Variants in PTTG1IP2 observed in about 807,000 individuals in gnomAD.
PTTG1IP2 encodes PTTG1IP family member 2.
intron 6 of PTTG1IP2, among the ~76,000 whole-genome samples, chr7:90,496,450 C>T (rs931241668): frequency 3.3e-5 from 5 of 152,016 alleles, no homozygotes; most frequent in East Asian, 1.9e-4. Context: ...CACAGTATCT[C>T]GTAATCTTTC....
intron 1 of PTTG1IP2, among the ~76,000 whole-genome samples, chr7:90,476,674 A>C (rs1797750906): frequency 6.6e-6 from 1 of 152,200 alleles, no homozygotes; most frequent in Non-Finnish European, 1.5e-5. Flanking sequence ...AGAAATCATT[A>C]AGTCAAAGAA....
At chr7:90,475,051 C>G (rs561245394) in intron 1 of PTTG1IP2, among the ~76,000 whole-genome samples, 1 of 152,256 alleles carries the variant, frequency 6.6e-6, no homozygotes, top group East Asian at 1.9e-4. Flanking sequence ...ACAGCAGGAA[C>G]GTCAGTATGG....
intron 6 of PTTG1IP2, among the ~76,000 whole-genome samples, chr7:90,510,499 T>TTGTGTG (rs148527314): frequency 6.6e-6 from 1 of 151,434 alleles, no homozygotes; most frequent in Non-Finnish European, 1.5e-5. Context: ...CGAGCTTTAT[T>TTGTGTG]TGTGTGTGTG....
intron 2 of PTTG1IP2, among the ~76,000 whole-genome samples, chr7:90,483,438 C>T (rs1468282264): frequency 2.0e-5 from 3 of 152,198 alleles, no homozygotes; most frequent in Non-Finnish European, 2.9e-5. Context: ...TGCACATTCA[C>T]AAACTCAAAG....
intron 2 of PTTG1IP2, among the ~76,000 whole-genome samples, chr7:90,485,327 A>G (rs1797861767): frequency 1.3e-5 from 2 of 152,150 alleles, no homozygotes; most frequent in Admixed American, 6.5e-5. Context: ...CTCAACTGCA[A>G]TTGGACTTAC....
At chr7:90,497,059 T>C (rs1295899443) in intron 6 of PTTG1IP2, among the ~76,000 whole-genome samples, 1 of 152,226 alleles carries the variant, frequency 6.6e-6, no homozygotes, top group Non-Finnish European at 1.5e-5. Flanking sequence ...ATACCTGATA[T>C]GATTTAAATC....
chr7:90,488,575 CA>C (rs1417339323), intron 3 of PTTG1IP2, among the ~76,000 whole-genome samples: 5 of 151,774 alleles, frequency 3.3e-5, no homozygotes, highest in Non-Finnish European at 5.9e-5. Flanking sequence ...AAGATAGTAC[CA>C]GAAATGAGTT....
chr7:90,483,712 C>T (rs770837659), intron 2 of PTTG1IP2, among the ~76,000 whole-genome samples: 4 of 152,204 alleles, frequency 2.6e-5, no homozygotes, highest in Non-Finnish European at 5.9e-5. Flanking sequence ...ATCACTCATT[C>T]CTTTTGGAAA....
chr7:90,492,527 T>C (rs545447637), intron 5 of PTTG1IP2, among the ~76,000 whole-genome samples: 2 of 152,260 alleles, frequency 1.3e-5, no homozygotes, highest in African/African-American at 2.4e-5. Context: ...TATTGCGCCA[T>C]TGCATTTCAG....
At chr7:90,512,958 C>T (rs1798206817) in intron 6 of PTTG1IP2, among the ~76,000 whole-genome samples, 2 of 152,136 alleles carry the variant, frequency 1.3e-5, no homozygotes, top group Non-Finnish European at 2.9e-5. Flanking sequence ...AGCTTTCTAA[C>T]CTTAGTGCAG....
At chr7:90,512,963 G>C (rs1798206839) in intron 6 of PTTG1IP2, among the ~76,000 whole-genome samples, 1 of 152,186 alleles carries the variant, frequency 6.6e-6, no homozygotes. Context: ...TCTAACCTTA[G>C]TGCAGGGTGA....
intron 2 of PTTG1IP2, among the ~76,000 whole-genome samples, chr7:90,483,991 G>A (rs1310076812): frequency 6.6e-6 from 1 of 151,250 alleles, no homozygotes; most frequent in African/African-American, 2.4e-5. Context: ...ACACCCAATG[G>A]TGATGCTCAC....
intron 5 of PTTG1IP2, among the ~76,000 whole-genome samples, chr7:90,493,838 A>G (rs768393476): frequency 1.3e-5 from 2 of 152,242 alleles, no homozygotes; most frequent in Non-Finnish European, 2.9e-5. Context: ...GGACTTACAC[A>G]TTGGAAGATG....
intron 2 of PTTG1IP2, among the ~76,000 whole-genome samples, chr7:90,483,055 T>C (rs1044706393): frequency 1.3e-5 from 2 of 152,148 alleles, no homozygotes; most frequent in African/African-American, 2.4e-5. Context: ...TGTGTGTGTG[T>C]GTGGTAGGGC....
At chr7:90,475,266 T>A (rs1480566584) in intron 1 of PTTG1IP2, among the ~76,000 whole-genome samples, 1 of 152,188 alleles carries the variant, frequency 6.6e-6, no homozygotes, top group African/African-American at 2.4e-5. Flanking sequence ...TTTAATTGAC[T>A]ATGTTACCAG....
chr7:90,477,289 A>G (rs1797759240), intron 1 of PTTG1IP2, among the ~76,000 whole-genome samples: 1 of 152,244 alleles, frequency 6.6e-6, no homozygotes, highest in South Asian at 2.1e-4. Context: ...GAAGAGAAGA[A>G]AGAACCTACT....
At chr7:90,495,479 T>C (rs1184219865) in intron 6 of PTTG1IP2, among the ~76,000 whole-genome samples, 1 of 152,234 alleles carries the variant, frequency 6.6e-6, no homozygotes, top group Non-Finnish European at 1.5e-5. Flanking sequence ...TGTGTGTGTG[T>C]GCACATTTGC....
At chr7:90,473,783 A>T (rs991460037) in intron 1 of PTTG1IP2, among the ~76,000 whole-genome samples, 1 of 152,202 alleles carries the variant, frequency 6.6e-6, no homozygotes, top group African/African-American at 2.4e-5. Flanking sequence ...CACAGTTATT[A>T]CAGGCAGCAG....
intron 3 of PTTG1IP2, among the ~76,000 whole-genome samples, 193 bp downstream of exon 3, chr7:90,487,613 T>G (rs1458819117): frequency 1.3e-5 from 2 of 152,188 alleles, no homozygotes; most frequent in Non-Finnish European, 2.9e-5. Context: ...TCCCAGAACT[T>G]TAAGTAAAAT....
Sources: allele counts gnomAD v4.1 joint callset (sites outside exome capture counted in the v4.1 genomes callset), GRCh38; gene constraint gnomAD v4.1.1; transcripts MANE v1.5; gene names NCBI Gene and HGNC (gene_info 2026-07-23, HGNC 2026-07-21).